The following LARP1B variants were observed in gnomAD, a reference collection of about 807,000 sequenced individuals.
LARP1B encodes the protein la-related protein 1B.
Under a neutral mutation model 114.2 loss-of-function variants are expected in LARP1B, and 76 were observed. The ratio of observed to expected loss-of-function variants is 0.67; its 90% confidence interval spans 0.55 to 0.81. The LOEUF (loss-of-function observed/expected upper bound fraction) is 0.81. Among genes scored for constraint, LARP1B ranks in the 30% least tolerant of loss-of-function variants. The pLI, the probability that LARP1B is intolerant of heterozygous loss-of-function variation, is 0.00. For synonymous variants in LARP1B, 345 were observed against 348.0 expected (o/e 0.99, Z 0.10); for missense variants, 1,014 against 1,075.8 (o/e 0.94, Z 0.80).
intron 15 of LARP1B, among the ~76,000 whole-genome samples, chr4:128,194,770 G>A (rs1293358056): frequency 6.6e-6 from 1 of 150,702 alleles, no homozygotes; most frequent in Non-Finnish European, 1.5e-5. Context: ...AGGAGGCTGA[G>A]GCAGGAGAAT....
chr4:128,090,634 A>G (rs1035600570), intron 5 of LARP1B, among the ~76,000 whole-genome samples: 1 of 152,234 alleles, frequency 6.6e-6, no homozygotes, highest in African/African-American at 2.4e-5. Flanking sequence ...AAATAGAACC[A>G]TCCTTAAATA....
intron 13 of LARP1B, 111 bp downstream of exon 13, chr4:128,177,018 T>C (rs1248812849): frequency 6.2e-6 from 6 of 973,240 alleles, no homozygotes; most frequent in East Asian, 2.4e-5. Flanking sequence ...TGAAAAGATA[T>C]GGAACAAGGA....
At chr4:128,158,501 G>A (rs1736878393) in intron 11 of LARP1B, among the ~76,000 whole-genome samples, 1 of 151,968 alleles carries the variant, frequency 6.6e-6, no homozygotes, top group Non-Finnish European at 1.5e-5. Context: ...GAATAAAAAG[G>A]CAAGTTAAAA....
At chr4:128,132,697 G>A (rs892703679) in intron 11 of LARP1B, among the ~76,000 whole-genome samples, 9 of 151,888 alleles carry the variant, frequency 5.9e-5, no homozygotes, top group African/African-American at 1.9e-4. Context: ...GTAGAGCAGC[G>A]GTCCCCAACC....
intron 8 of LARP1B, among the ~76,000 whole-genome samples, chr4:128,102,487 C>T (rs1394981625): frequency 6.6e-6 from 1 of 152,142 alleles, no homozygotes; most frequent in Non-Finnish European, 1.5e-5. Context: ...CAGCTTCTTC[C>T]CATATGTATT....
At chr4:128,175,730 C>T (rs962947376) in intron 12 of LARP1B, among the ~76,000 whole-genome samples, 1 of 151,956 alleles carries the variant, frequency 6.6e-6, no homozygotes, top group Non-Finnish European at 1.5e-5. Flanking sequence ...GTTTATTAAT[C>T]CATTTCGGTC....
chr4:128,115,351 G>A (rs919487281), intron 10 of LARP1B, among the ~76,000 whole-genome samples: 10 of 152,172 alleles, frequency 6.6e-5, no homozygotes, highest in African/African-American at 9.7e-5. Flanking sequence ...TTGCTTGAGC[G>A]CAGGAGTTCG....
At chr4:128,078,190 A>G (rs1768761425) in intron 4 of LARP1B, among the ~76,000 whole-genome samples, 1 of 152,202 alleles carries the variant, frequency 6.6e-6, no homozygotes, top group African/African-American at 2.4e-5. Context: ...ATGGAGTTCC[A>G]CTTAGAGGTA....
intron 11 of LARP1B, chr4:128,123,860 G>C (rs1788754325): frequency 5.2e-6 from 1 of 191,702 alleles, no homozygotes; most frequent in African/African-American, 2.4e-5. Context: ...GCCATGTATT[G>C]AGTTCTTGAG....
At chr4:128,198,945 A>G (rs1156504431) in intron 15 of LARP1B, among the ~76,000 whole-genome samples, 1 of 152,240 alleles carries the variant, frequency 6.6e-6, no homozygotes, top group African/African-American at 2.4e-5. Flanking sequence ...GAATTGATTT[A>G]GAGAATTGCA....
intron 10 of LARP1B, among the ~76,000 whole-genome samples, chr4:128,120,531 C>T (rs1787549702): frequency 1.3e-5 from 2 of 151,586 alleles, no homozygotes; most frequent in Admixed American, 6.6e-5. Flanking sequence ...TCACTGCAGC[C>T]TCCGCCTCCA....
chr4:128,083,292 C>T (rs1189020911), intron 5 of LARP1B, among the ~76,000 whole-genome samples: 2 of 152,176 alleles, frequency 1.3e-5, no homozygotes, highest in Non-Finnish European at 2.9e-5. Flanking sequence ...TCCACAAAAC[C>T]GCCATTGTCA....
rs901427646 is a variant in LARP1B at position 128,211,589 on chromosome 4, A to G, written c.*1536A>G. 5.2e-6 allele frequency: 5 copies of G among 953,458 alleles called. No homozygotes were observed. The highest frequency in any genetic ancestry group is 1.1e-3 in the Middle Eastern group (2 of 1,868). 59.1% of individuals were successfully genotyped at this position (953,458 alleles called of 1,614,324 possible). A position where few individuals can be genotyped will look rare whatever the true frequency, so the allele number is the denominator to read the frequency against. On this transcript the variant is annotated 3_prime_UTR_variant, in exon 20 of 20. Transcript: ENST00000326639. Reference sequence around the variant, plus strand: ...TTAGATATATTGTAAAGAGGGTGCAAAACAAGCAATGGGTTAGAATAATAG... The same window carrying G: ...TTAGATATATTGTAAAGAGGGTGCAGAACAAGCAATGGGTTAGAATAATAG...
At chr4:128,214,278 G>A (rs1177886479), downstream of LARP1B, among the ~76,000 whole-genome samples, 1 of 148,506 alleles carries the variant, frequency 6.7e-6, no homozygotes, top group Non-Finnish European at 1.5e-5. Flanking sequence ...CAGCCGGGAA[G>A]CTCGAACTGG....
intron 1 of LARP1B, among the ~76,000 whole-genome samples, chr4:128,066,420 C>T (rs997633143): frequency 6.6e-5 from 10 of 151,370 alleles, no homozygotes; most frequent in Non-Finnish European, 1.3e-4. Flanking sequence ...CCTCGTGATC[C>T]GCCGGCCTCG....
intron 4 of LARP1B, among the ~76,000 whole-genome samples, chr4:128,081,859 C>T (rs534681794): frequency 2.0e-5 from 3 of 152,242 alleles, no homozygotes; most frequent in East Asian, 1.9e-4. Flanking sequence ...CTCAGCCTCC[C>T]GAGTAGCTGG....
At chr4:128,102,264 C>G (rs1192754711) in intron 8 of LARP1B, among the ~76,000 whole-genome samples, 1 of 152,176 alleles carries the variant, frequency 6.6e-6, no homozygotes, top group African/African-American at 2.4e-5. Flanking sequence ...GATCATGGAC[C>G]TATGAATATG....
In LARP1B at chr4:128,082,302, C is replaced by T. The variant is rs753096211; in HGVS notation, c.355C>T (p.Arg119Ter). 4 of 1,612,982 alleles carry T rather than the reference C, an allele frequency of 2.5e-6. No homozygotes were observed. In the East Asian group the frequency reaches 6.7e-5, roughly 27 times the overall value. Residue 119 changes from arginine (R) to a stop codon, truncating the protein, a stop_gained, in exon 5 of 20, where the codon CGA becomes TGA. Coordinates refer to ENST00000326639, the MANE Select transcript of LARP1B (RefSeq NM_018078.4). LOFTEE classifies it high-confidence loss of function. ...PTHNNRRNDT[R>*]SWKRDREKRD... is the part of the protein sequence containing the mutation. The stretch of plus-strand genomic sequence containing the variant: ...ACATAACAATAGGAGAAATGATACA[C>T]GAAGTAAGTTACCATTCTAAGACAA...
chr4:128,073,584 T>TG (rs1561056636), intron 1 of LARP1B, among the ~76,000 whole-genome samples: 287 of 26,208 alleles, frequency 0.011, no homozygotes, highest in South Asian at 0.026. Flanking sequence ...TTTTTTTTTT[T>TG]TTTTTTTTTT....
Sources: allele counts gnomAD v4.1 joint callset (sites outside exome capture counted in the v4.1 genomes callset), GRCh38; gene constraint gnomAD v4.1.1; transcripts MANE v1.5; gene names NCBI Gene and HGNC (gene_info 2026-07-23, HGNC 2026-07-21).